ADAMTS19: variants seen among roughly 807,000 people sequenced by gnomAD.
ADAMTS19 encodes the protein ADAM metallopeptidase with thrombospondin type 1 motif 19, also known as A disintegrin and metalloproteinase with thrombospondin motifs 19.
Under a neutral mutation model 153.3 loss-of-function variants are expected in ADAMTS19, and 93 were observed. That is an observed-to-expected ratio of 0.61 (90% CI 0.51 to 0.72). The LOEUF (loss-of-function observed/expected upper bound fraction) is 0.72. ADAMTS19 is among the 30% of genes least tolerant of loss of function. The pLI, the probability that ADAMTS19 is intolerant of heterozygous loss-of-function variation, is 0.00. For synonymous variants in ADAMTS19, 600 were observed against 556.6 expected, an observed-to-expected ratio of 1.08 and a Z score of -1.10; for missense variants, 1,482 against 1,552.1, an observed-to-expected ratio of 0.95 and a Z score of 0.76.
chr5:129,506,366 C>T (rs1751268365), intron 2 of ADAMTS19, among the ~76,000 whole-genome samples: 1 of 151,988 alleles, frequency 6.6e-6, no homozygotes, highest in East Asian at 1.9e-4. Flanking sequence ...AATGAGTCAC[C>T]ACTTATAATT....
At chr5:129,691,916 G>A (rs1755356532) in intron 18 of ADAMTS19, among the ~76,000 whole-genome samples, 1 of 152,082 alleles carries the variant, frequency 6.6e-6, no homozygotes, top group Non-Finnish European at 1.5e-5. Flanking sequence ...GGGGAAAAAA[G>A]CATTATAATC....
chr5:129,618,582 T>C (rs559751216), intron 8 of ADAMTS19, among the ~76,000 whole-genome samples: 1 of 152,106 alleles, frequency 6.6e-6, no homozygotes, highest in South Asian at 2.1e-4. Flanking sequence ...TATAGTTTGG[T>C]AGTTTTTAAA....
intron 10 of ADAMTS19, among the ~76,000 whole-genome samples, chr5:129,637,613 T>TG (rs896659721): frequency 6.6e-6 from 1 of 152,022 alleles, no homozygotes; most frequent in African/African-American, 2.4e-5. Flanking sequence ...AGGAGGCCGA[T>TG]GCGGGCGGAT....
At chr5:129,545,171 C>G (rs1465693500) in intron 6 of ADAMTS19, among the ~76,000 whole-genome samples, 6 of 151,458 alleles carry the variant, frequency 4.0e-5, no homozygotes, top group African/African-American at 1.5e-4. Flanking sequence ...TAAAAAATTT[C>G]AAAATATGAG....
chr5:129,518,516 C>T (rs750721669), intron 3 of ADAMTS19, among the ~76,000 whole-genome samples: 3 of 152,078 alleles, frequency 2.0e-5, no homozygotes, highest in East Asian at 1.9e-4. Context: ...GTACATGACA[C>T]GCTACTCTCT....
At chr5:129,536,841 T>C (rs1177696041) in intron 6 of ADAMTS19, among the ~76,000 whole-genome samples, 1 of 149,024 alleles carries the variant, frequency 6.7e-6, no homozygotes, top group Admixed American at 6.8e-5. Flanking sequence ...TTCTCACTCA[T>C]AGGTGGGAAT....
At chr5:129,634,201 A>C (rs993286689) in intron 10 of ADAMTS19, among the ~76,000 whole-genome samples, 3 of 152,174 alleles carry the variant, frequency 2.0e-5, no homozygotes, top group Non-Finnish European at 4.4e-5. Flanking sequence ...ATGCACAAAA[A>C]ATAAAATACC....
chr5:129,522,287 A>ATGTGTG (rs201543978), intron 3 of ADAMTS19, among the ~76,000 whole-genome samples: 1 of 124,544 alleles, frequency 8.0e-6, no homozygotes, highest in Non-Finnish European at 1.6e-5. Flanking sequence ...GCGTAGTTGT[A>ATGTGTG]TGTGTGTGTG....
chr5:129,736,242 G>T (rs1054146448), intron 22 of ADAMTS19, among the ~76,000 whole-genome samples: 1 of 151,878 alleles, frequency 6.6e-6, no homozygotes, highest in African/African-American at 2.4e-5. Flanking sequence ...TGGATTAAAA[G>T]AAAAAATTTG....
At chr5:129,655,137 A>G (rs1453925283) in intron 14 of ADAMTS19, among the ~76,000 whole-genome samples, 6 of 152,214 alleles carry the variant, frequency 3.9e-5, no homozygotes, top group Non-Finnish European at 8.8e-5. Context: ...TTTCATGATC[A>G]ACATCTATGT....
chr5:129,577,991 T>C (rs974204431), intron 7 of ADAMTS19, among the ~76,000 whole-genome samples: 1 of 150,520 alleles, frequency 6.6e-6, no homozygotes, highest in Non-Finnish European at 1.5e-5. Context: ...TTAATCGTCT[T>C]CTTTTTTTCT....
chr5:129,722,073 T>G (rs1757028897), intron 21 of ADAMTS19, among the ~76,000 whole-genome samples: 1 of 152,250 alleles, frequency 6.6e-6, no homozygotes, highest in Admixed American at 6.5e-5. Flanking sequence ...TGTGTGTGTG[T>G]ATCTTTATAA....
In ADAMTS19 at chr5:129,539,331, C is replaced by T. The variant is rs1186336553; in HGVS notation, c.1328+10654C>T. The stretch of plus-strand genomic sequence containing the variant: ...GAAGGACTGGAAGATGCTATAAACC[C>T]AGTTTTGCAGACAGAAAAACAGGTC... On this transcript the variant is annotated intron_variant, in intron 6 of 22. Coordinates refer to ENST00000274487, the MANE Select transcript of ADAMTS19 (RefSeq NM_133638.6). Among the ~76,000 whole-genome samples, 9 of 152,150 alleles carry T rather than the reference C, an allele frequency of 5.9e-5. No individual in the cohort carries two copies. The South Asian group carries it at 1.9e-3, about 32-fold the overall frequency.
intron 3 of ADAMTS19, among the ~76,000 whole-genome samples, chr5:129,514,828 T>A (rs1261872007): frequency 2.6e-5 from 4 of 152,076 alleles, no homozygotes. Flanking sequence ...TTTAGATGCC[T>A]GTGCTTGTAG....
At chr5:129,508,790 G>A (rs1751343211) in intron 2 of ADAMTS19, among the ~76,000 whole-genome samples, 1 of 151,954 alleles carries the variant, frequency 6.6e-6, no homozygotes, top group Non-Finnish European at 1.5e-5. Context: ...CCCAAAGTGA[G>A]CCTTTAACAT....
chr5:129,619,757 CTA>C (rs1751692311), intron 8 of ADAMTS19, among the ~76,000 whole-genome samples: 2 of 151,874 alleles, frequency 1.3e-5, no homozygotes, highest in South Asian at 4.2e-4. Flanking sequence ...TTAATAGTAA[CTA>C]TAGGATAGAA....
chr5:129,561,744 T>G (rs1561572287), intron 7 of ADAMTS19, among the ~76,000 whole-genome samples: 1 of 152,102 alleles, frequency 6.6e-6, no homozygotes. Context: ...CTTTTTAGTA[T>G]CAATTATCTA....
At chr5:129,733,956 T>C (rs1304407803) in intron 21 of ADAMTS19, among the ~76,000 whole-genome samples, 2 of 8,932 alleles carry the variant, frequency 2.2e-4, no homozygotes, top group Admixed American at 9.8e-4. Flanking sequence ...TGTGTGTGTG[T>C]GTGTGTGTGT....
intron 3 of ADAMTS19, among the ~76,000 whole-genome samples, chr5:129,515,206 T>C (rs1404270937): frequency 6.6e-6 from 1 of 152,130 alleles, no homozygotes; most frequent in Non-Finnish European, 1.5e-5. Flanking sequence ...GTAGTACAAT[T>C]TGAAGTCAGG....
Sources: allele counts gnomAD v4.1 joint callset (sites outside exome capture counted in the v4.1 genomes callset), GRCh38; gene constraint gnomAD v4.1.1; transcripts MANE v1.5; gene names NCBI Gene and HGNC (gene_info 2026-07-23, HGNC 2026-07-21).